The following TBC1D12 variants were observed in gnomAD, a reference collection of about 807,000 sequenced individuals.
TBC1D12 encodes the protein TBC1 domain family, member 12.
In TBC1D12, 56 loss-of-function variants were observed where a neutral mutation model predicts 86.7. The ratio of observed to expected loss-of-function variants is 0.65; its 90% CI spans 0.52 to 0.81. The LOEUF (loss-of-function observed/expected upper bound fraction) is 0.81, where lower values mean the gene tolerates loss of function less well. Ranked by LOEUF, TBC1D12 falls within the 30% of genes least tolerant of loss-of-function variation. The pLI, the probability that TBC1D12 is intolerant of heterozygous loss-of-function variation, is 0.00. For missense variants in TBC1D12, 1,023 were observed against 1,038.8 expected (o/e 0.98, Z 0.21); for synonymous variants, 421 against 411.7 (o/e 1.02, Z -0.27).
intron 5 of TBC1D12, among the ~76,000 whole-genome samples, chr10:94,497,821 CTT>C (rs796259533): frequency 1.4e-4 from 14 of 100,158 alleles, no homozygotes; most frequent in Admixed American, 2.2e-4. Context: ...ACTGTGTTTT[CTT>C]TTTTTTTTTT....
At chr10:94,490,895 G>A (rs533550254) in intron 3 of TBC1D12, among the ~76,000 whole-genome samples, 212 of 151,322 alleles carry the variant, frequency 1.4e-3, no homozygotes, top group African/African-American at 3.7e-3. Flanking sequence ...TTCTCTGGCT[G>A]TAGTTAATCA....
At chr10:94,410,010 T>C (rs1011096411) in intron 1 of TBC1D12, among the ~76,000 whole-genome samples, 4 of 152,086 alleles carry the variant, frequency 2.6e-5, no homozygotes, top group African/African-American at 9.7e-5. Context: ...GACTAAAAGG[T>C]TTTTATTTGG....
intron 2 of TBC1D12, among the ~76,000 whole-genome samples, chr10:94,457,943 C>T (rs1218345497): frequency 2.0e-5 from 3 of 152,092 alleles, no homozygotes; most frequent in African/African-American, 4.8e-5. Flanking sequence ...ATTCCTAATT[C>T]CTTCTGCCCA....
rs1589656463 is a variant in TBC1D12, at chr10:94,493,895, A to G, written c.1294+448A>G. Among the ~76,000 whole-genome samples the G allele has an allele frequency of 3.3e-5, 5 of 152,222 alleles. No individual in the cohort carries two copies. The South Asian group carries it at 1.0e-3, about 32-fold the overall frequency. ...AGGAATCTTGAAATTACAGTCATAA[A>G]ACTTGGACTTCTACTATCTTAGTTT... On this transcript the variant is annotated intron_variant, in intron 4 of 12. Coordinates refer to ENST00000225235, the MANE Select transcript of TBC1D12 (RefSeq NM_015188.2).
chr10:94,527,534 G>A (rs1299697803), intron 11 of TBC1D12, among the ~76,000 whole-genome samples: 1 of 150,642 alleles, frequency 6.6e-6, no homozygotes. Context: ...GCTTTATTTG[G>A]TGTGCAGAAG....
chr10:94,454,507 G>A (rs781331240), intron 2 of TBC1D12, among the ~76,000 whole-genome samples: 10 of 152,172 alleles, frequency 6.6e-5, no homozygotes, highest in South Asian at 2.1e-4. Context: ...CACTGCGCCC[G>A]GCGAGTCTTC....
intron 2 of TBC1D12, among the ~76,000 whole-genome samples, chr10:94,447,008 G>T (rs1332622518): frequency 6.7e-6 from 1 of 149,994 alleles, no homozygotes; most frequent in East Asian, 2.0e-4. Context: ...GGGAGGTAGA[G>T]GTTGCAGTGA....
At chr10:94,498,263 A>G (rs529524187) in intron 5 of TBC1D12, among the ~76,000 whole-genome samples, 25 of 152,340 alleles carry the variant, frequency 1.6e-4, no homozygotes, top group Middle Eastern at 6.8e-3. Flanking sequence ...TAAAGTGTTT[A>G]TCTCATAATC....
chr10:94,492,252 A>G (rs914374255), intron 3 of TBC1D12, among the ~76,000 whole-genome samples: 7 of 152,200 alleles, frequency 4.6e-5, no homozygotes, highest in African/African-American at 1.7e-4. Context: ...TCAGGCATCC[A>G]CTGGAGGTCT....
At chr10:94,464,673 CTTAA>C (rs1421220907) in intron 2 of TBC1D12, among the ~76,000 whole-genome samples, 11 of 152,180 alleles carry the variant, frequency 7.2e-5, no homozygotes, top group Non-Finnish European at 1.3e-4. Flanking sequence ...CCTTTGGATT[CTTAA>C]TTAATAAAGA....
At chr10:94,516,457 G>A (rs1473304063) in intron 9 of TBC1D12, among the ~76,000 whole-genome samples, 2 of 151,870 alleles carry the variant, frequency 1.3e-5, no homozygotes, top group Admixed American at 1.3e-4. Flanking sequence ...TAGGGTACAT[G>A]TGCACAACGT....
intron 2 of TBC1D12, among the ~76,000 whole-genome samples, chr10:94,448,984 T>C (rs1459823894): frequency 6.6e-6 from 1 of 152,094 alleles, no homozygotes; most frequent in Non-Finnish European, 1.5e-5. Context: ...ATTGGAGAGG[T>C]ACTAGTAATA....
intron 1 of TBC1D12, among the ~76,000 whole-genome samples, chr10:94,438,413 T>G (rs1167431977): frequency 1.8e-5 from 2 of 112,588 alleles, no homozygotes; most frequent in African/African-American, 3.6e-5. Context: ...TTACCTTTTT[T>G]ATTGTTCTAA....
At chr10:94,440,757 C>T (rs990618765) in intron 1 of TBC1D12, among the ~76,000 whole-genome samples, 2 of 152,092 alleles carry the variant, frequency 1.3e-5, no homozygotes, top group African/African-American at 4.8e-5. Flanking sequence ...GTTCATTGGG[C>T]CCTGGTCATG....
intron 2 of TBC1D12, among the ~76,000 whole-genome samples, chr10:94,465,802 A>G (rs1216998081): frequency 6.6e-6 from 1 of 151,068 alleles, no homozygotes; most frequent in Non-Finnish European, 1.5e-5. Context: ...ACGCATACAT[A>G]CATATACGCA....
intron 3 of TBC1D12, among the ~76,000 whole-genome samples, chr10:94,481,820 T>C (rs1459933938): frequency 1.3e-5 from 2 of 152,058 alleles, no homozygotes; most frequent in Admixed American, 6.6e-5. Flanking sequence ...TTTTATTCTG[T>C]GTGGGTACGT....
At chr10:94,529,479 G>A (rs144760051) in intron 11 of TBC1D12, among the ~76,000 whole-genome samples, 2,129 of 152,260 alleles carry the variant, frequency 0.014, 58 homozygotes, top group African/African-American at 0.046. Flanking sequence ...TTAGCCGGGC[G>A]TGGTGGTCCA....
At chr10:94,483,258 T>G (rs544879582) in intron 3 of TBC1D12, among the ~76,000 whole-genome samples, 1 of 152,310 alleles carries the variant, frequency 6.6e-6, no homozygotes, top group South Asian at 2.1e-4. Flanking sequence ...TCTGATTGCC[T>G]TTCTTTTGGG....
Position 94,534,057 on chromosome 10 carries a change from T to C in TBC1D12, c.*961T>C, listed in dbSNP as rs1006761732. Reference sequence around the variant, plus strand: ...ATTTGAAATCTAATATGTAGCTAAATCTGTGACTTGTAAAACTCTATGCAT... The same window carrying C: ...ATTTGAAATCTAATATGTAGCTAAACCTGTGACTTGTAAAACTCTATGCAT... On this transcript the variant is annotated 3_prime_UTR_variant, in exon 13 of 13. Coordinates refer to ENST00000225235, the MANE Select transcript of TBC1D12 (RefSeq NM_015188.2). 1 of 152,222 alleles carries C rather than the reference T, an allele frequency of 6.6e-6. No individual in the cohort carries two copies. Among genetic ancestry groups the C allele is most frequent in the Non-Finnish European group, 1.5e-5 (1 of 68,038 alleles). 9.4% of individuals were successfully genotyped at this position (152,222 alleles called of 1,614,324 possible).
Sources: gnomAD v4.1 joint callset for allele counts (sites outside exome capture counted in the v4.1 genomes callset) on GRCh38, gnomAD v4.1.1 for gene constraint, MANE v1.5 for transcripts, NCBI Gene and HGNC (gene_info 2026-07-23, HGNC 2026-07-21) for gene names.